SLC2A13: variants seen among roughly 807,000 people sequenced by gnomAD.
The protein encoded by SLC2A13 is solute carrier family 2 member 13.
A neutral mutation model predicts 64.4 loss-of-function variants in SLC2A13; 32 were observed. The observed-to-expected ratio is 0.50, with a 90% CI of 0.37 to 0.67. The LOEUF (loss-of-function observed/expected upper bound fraction) is 0.67, where lower values mean the gene tolerates loss of function less well. Among genes scored for constraint, SLC2A13 ranks in the 30% least tolerant of loss-of-function variants. The pLI, the probability that SLC2A13 is intolerant of heterozygous loss-of-function variation, is 0.00. For missense variants in SLC2A13, 743 were observed against 829.2 expected, an observed-to-expected ratio of 0.90 and a Z score of 1.28; for synonymous variants, 338 against 327.1, an observed-to-expected ratio of 1.03 and a Z score of -0.36.
intron 6 of SLC2A13, among the ~76,000 whole-genome samples, chr12:39,848,913 A>C (rs567918724): frequency 6.6e-6 from 1 of 152,308 alleles, no homozygotes; most frequent in South Asian, 2.1e-4. Context: ...TAGCAAACTA[A>C]CACAGGAACA....
chr12:40,046,973 C>A (rs1350318505), intron 2 of SLC2A13, among the ~76,000 whole-genome samples: 2 of 151,752 alleles, frequency 1.3e-5, no homozygotes, highest in African/African-American at 4.8e-5. Flanking sequence ...ACACTCTCAG[C>A]TCACTGCAAC....
chr12:39,977,094 G>C (rs1333706307), intron 3 of SLC2A13, among the ~76,000 whole-genome samples: 2 of 152,118 alleles, frequency 1.3e-5, no homozygotes, highest in Non-Finnish European at 2.9e-5. Context: ...AAAGGATGAG[G>C]GGTTTGGAAA....
intron 3 of SLC2A13, among the ~76,000 whole-genome samples, chr12:40,003,617 T>C (rs1367196282): frequency 6.6e-6 from 1 of 151,794 alleles, no homozygotes; most frequent in Non-Finnish European, 1.5e-5. Flanking sequence ...CCTTAACCCC[T>C]GTTCTATAAA....
rs1212910675 is a variant in SLC2A13 at position 39,764,513 on chromosome 12, T to C, written c.1667A>G (p.Asn556Ser). ...TAAAAATGTTAGTGAAACCAGGACA[T>C]TGAAAATCCAGTTTATTCCAGATGA... ...ACSSGINWIF[N>S]VLVSLTFLHT... The change falls in exon 9 of 10, where the codon AAT becomes AGT. Residue 556 changes from asparagine (N) to serine (S), a missense_variant. Coordinates refer to ENST00000280871, the MANE Select transcript of SLC2A13 (RefSeq NM_052885.4). The C allele has an allele frequency of 1.2e-6, 2 of 1,611,052 alleles. No homozygotes were observed. The highest frequency in any genetic ancestry group is 2.2e-5 in the East Asian group (1 of 44,812).
chr12:40,037,342 G>A (rs1948005712), intron 2 of SLC2A13, among the ~76,000 whole-genome samples: 1 of 151,994 alleles, frequency 6.6e-6, no homozygotes, highest in Non-Finnish European at 1.5e-5. Context: ...CCAGGGGCTG[G>A]GTGCAGTGGC....
chr12:39,782,005 A>C (rs11173550), intron 7 of SLC2A13, among the ~76,000 whole-genome samples: 112,589 of 152,086 alleles, frequency 0.74, 42,928 homozygotes, highest in Non-Finnish European at 0.84. Flanking sequence ...AAATTACCCA[A>C]CATCTAGGCT....
At chr12:40,033,051 A>G (rs186029843) in intron 2 of SLC2A13, among the ~76,000 whole-genome samples, 1 of 152,332 alleles carries the variant, frequency 6.6e-6, no homozygotes, top group East Asian at 1.9e-4. Context: ...ACTGTTCAGA[A>G]CAGTTAGGAA....
At chr12:39,904,355 G>T (rs1203394393) in intron 4 of SLC2A13, among the ~76,000 whole-genome samples, 1 of 152,080 alleles carries the variant, frequency 6.6e-6, no homozygotes, top group African/African-American at 2.4e-5. Context: ...TTGCCATTTA[G>T]GAAAAGTTTT....
chr12:39,846,593 A>G (rs775673242), intron 6 of SLC2A13, among the ~76,000 whole-genome samples: 2 of 152,154 alleles, frequency 1.3e-5, no homozygotes, highest in Non-Finnish European at 2.9e-5. Context: ...CTGAGTCTAC[A>G]GGCACATACC....
At chr12:39,804,278 A>T (rs965572557) in intron 7 of SLC2A13, among the ~76,000 whole-genome samples, 36 of 152,224 alleles carry the variant, frequency 2.4e-4, no homozygotes, top group Non-Finnish European at 4.1e-4. Flanking sequence ...AAAAGTAGTT[A>T]TCAAGGATAA....
At chr12:39,813,761 C>T (rs1439173305) in intron 7 of SLC2A13, among the ~76,000 whole-genome samples, 1 of 152,192 alleles carries the variant, frequency 6.6e-6, no homozygotes, top group South Asian at 2.1e-4. Context: ...CTACCATCTA[C>T]AATCTCAATG....
At chr12:40,100,479 T>C (rs1310723308) in intron 1 of SLC2A13, among the ~76,000 whole-genome samples, 24 of 152,226 alleles carry the variant, frequency 1.6e-4, no homozygotes, top group Admixed American at 1.6e-3. Context: ...TTGTACTTTG[T>C]GTTTTCTAGA....
At chr12:39,761,622 G>T (rs1286801516) in intron 9 of SLC2A13, among the ~76,000 whole-genome samples, 1 of 26,288 alleles carries the variant, frequency 3.8e-5, no homozygotes, top group African/African-American at 1.6e-4. Context: ...GAGAATGGGG[G>T]AATTTTGACA....
At chr12:39,986,156 C>G (rs936355471) in intron 3 of SLC2A13, among the ~76,000 whole-genome samples, 1 of 151,946 alleles carries the variant, frequency 6.6e-6, no homozygotes, top group Non-Finnish European at 1.5e-5. Flanking sequence ...GGCCCCATAT[C>G]CTAATATAAA....
intron 4 of SLC2A13, among the ~76,000 whole-genome samples, chr12:39,899,102 A>T (rs567369398): frequency 1.6e-3 from 240 of 152,132 alleles, no homozygotes; most frequent in Non-Finnish European, 2.6e-3. Context: ...CTGTGAATCC[A>T]TCTGGTCCTG....
intron 4 of SLC2A13, among the ~76,000 whole-genome samples, chr12:39,920,831 A>G (rs1422141992): frequency 6.6e-6 from 1 of 152,104 alleles, no homozygotes; most frequent in Admixed American, 6.5e-5. Context: ...ACTAGACCTT[A>G]GCTAGCCACA....
chr12:39,936,000 T>C (rs1945911274), intron 4 of SLC2A13, among the ~76,000 whole-genome samples: 1 of 152,170 alleles, frequency 6.6e-6, no homozygotes, highest in Admixed American at 6.5e-5. Flanking sequence ...TGGTTGGACA[T>C]GAAGCAGTGC....
chr12:39,760,594 A>G (rs1940099385), intron 9 of SLC2A13, among the ~76,000 whole-genome samples: 1 of 152,054 alleles, frequency 6.6e-6, no homozygotes. Context: ...AATAACAACC[A>G]AGAAATATTA....
intron 1 of SLC2A13, among the ~76,000 whole-genome samples, chr12:40,083,762 G>A (rs756982032): frequency 4.6e-5 from 7 of 152,200 alleles, no homozygotes; most frequent in Non-Finnish European, 8.8e-5. Flanking sequence ...TAAAAGCCAG[G>A]AGATTAAGAA....
Sources: allele counts gnomAD v4.1 joint callset (sites outside exome capture counted in the v4.1 genomes callset), GRCh38; gene constraint gnomAD v4.1.1; transcripts MANE v1.5; gene names NCBI Gene and HGNC (gene_info 2026-07-23, HGNC 2026-07-21).